Variants in PC observed in about 807,000 individuals in gnomAD.
PC encodes pyruvate carboxylase.
A neutral mutation model predicts 107.8 loss-of-function variants in PC; 46 were observed. The ratio of observed to expected loss-of-function variants is 0.43; its 90% CI spans 0.34 to 0.55. The LOEUF (loss-of-function observed/expected upper bound fraction) is 0.55. Ranked by LOEUF, PC falls within the 20% of genes least tolerant of loss-of-function variation. PC has a pLI of 0.04. For missense variants in PC, 1,241 were observed against 1,643.1 expected, an observed-to-expected ratio of 0.76 and a Z score of 4.23; for synonymous variants, 662 against 684.7, an observed-to-expected ratio of 0.97 and a Z score of 0.52.
intron 3 of PC, among the ~76,000 whole-genome samples, chr11:66,924,369 C>CAAAAGAAAAAA (rs1948664997): frequency 1.5e-5 from 1 of 65,590 alleles, no homozygotes; most frequent in Non-Finnish European, 2.9e-5. Flanking sequence ...CCATCTCTAC[C>CAAAAGAAAAAA]AAAAAAAAAA....
rs373610692 is a variant in PC at position 66,870,477 on chromosome 11, T to G, written c.752-24A>C. 5.9e-5 allele frequency: 95 copies of G among 1,611,006 alleles called. No homozygotes were observed. Among genetic ancestry groups the G allele is most frequent in the Non-Finnish European group, 7.6e-5 (90 of 1,179,684 alleles). The stretch of plus-strand genomic sequence containing the variant: ...CCCTGGGGAGGGAGGTAAACTGGGC[T>G]TAGCTTTTACTGGAATCTACACGCC... On this transcript the variant is annotated intron_variant, in intron 8 of 22. Coordinates refer to ENST00000393960, the MANE Select transcript of PC (RefSeq NM_001040716.2). This position sits in a 1 kb window ranked among gnomAD's most constrained non-coding sequence, Gnocchi z 6.1.
At chr11:66,855,978 G>A (rs1007103977) in intron 12 of PC, among the ~76,000 whole-genome samples, 3 of 152,212 alleles carry the variant, frequency 2.0e-5, no homozygotes, top group Non-Finnish European at 4.4e-5. Flanking sequence ...AACGAGGATG[G>A]CTGAGGTTTA....
chr11:66,869,193 G>A (rs1358486055), intron 9 of PC, among the ~76,000 whole-genome samples: 1 of 152,090 alleles, frequency 6.6e-6, no homozygotes, highest in Non-Finnish European at 1.5e-5. Context: ...CGGAGCCACA[G>A]ATGGCTGCAC....
chr11:66,859,441 G>A (rs557924171), intron 12 of PC, among the ~76,000 whole-genome samples: 5 of 152,266 alleles, frequency 3.3e-5, no homozygotes, highest in South Asian at 4.1e-4. Context: ...CATTCCCCTC[G>A]CTTGCCTGCG....
chr11:66,909,451 C>T (rs1253907707), intron 3 of PC, among the ~76,000 whole-genome samples: 2 of 152,336 alleles, frequency 1.3e-5, no homozygotes, highest in South Asian at 2.1e-4. Context: ...CGCTCCCCCC[C>T]GAAGAGAAGC....
At chr11:66,917,789 C>T (rs1434178218) in intron 3 of PC, among the ~76,000 whole-genome samples, 1 of 152,162 alleles carries the variant, frequency 6.6e-6, no homozygotes, top group Non-Finnish European at 1.5e-5. Context: ...CTGGCCTGAA[C>T]TTGGGTTACC....
intron 3 of PC, among the ~76,000 whole-genome samples, chr11:66,948,064 T>TA (rs1250457424): frequency 6.9e-6 from 1 of 145,466 alleles, no homozygotes; most frequent in Non-Finnish European, 1.5e-5. Context: ...GATAGATAGA[T>TA]ATGCCAGGCG....
chr11:66,939,615 A>C (rs1949074650), intron 3 of PC, among the ~76,000 whole-genome samples: 1 of 151,976 alleles, frequency 6.6e-6, no homozygotes, highest in Non-Finnish European at 1.5e-5. Context: ...GACCAGCCTG[A>C]CCAATACGGA....
At position 66,900,311 on chromosome 11, in the gene PC, A is replaced by C. The variant is rs532653447; in HGVS notation, c.1-28152T>G. Among the ~76,000 whole-genome samples the C allele has an allele frequency of 4.3e-4, 64 of 149,714 alleles. 1 individual carries two copies. The highest frequency in any genetic ancestry group is 3.9e-3 in the Admixed American group (58 of 14,782). On this transcript the variant is annotated intron_variant, in intron 3 of 22. Coordinates refer to ENST00000393960, the MANE Select transcript of PC (RefSeq NM_001040716.2). The stretch of plus-strand genomic sequence containing the variant: ...TTCTCCAGCCTCCCAACTAGCTGGG[A>C]CTACAGGCGCCCACCACCACGCCCG...
At chr11:66,874,863 G>A (rs910708316) in intron 3 of PC, among the ~76,000 whole-genome samples, 20 of 152,204 alleles carry the variant, frequency 1.3e-4, no homozygotes, top group African/African-American at 3.9e-4. Flanking sequence ...TTGGGGGCTG[G>A]ATATTAGAAA....
rs1335224216 is a variant in PC at position 66,853,458 on chromosome 11, G to A, written c.1369-75C>T. 3 of 1,571,252 alleles carry A rather than the reference G, an allele frequency of 1.9e-6. No individual in the cohort carries two copies. In the East Asian group the frequency reaches 6.7e-5, roughly 35 times the overall value. Reference sequence around the variant, plus strand: ...GAAGGCAGAGGAGAAAAGGCTGAAAGAGAAAAGGCTGAAGATGCTGCCCTG... The same window carrying A: ...GAAGGCAGAGGAGAAAAGGCTGAAAAAGAAAAGGCTGAAGATGCTGCCCTG... On this transcript the variant is annotated intron_variant, in intron 12 of 22. Coordinates refer to ENST00000393960, the MANE Select transcript of PC (RefSeq NM_001040716.2).
At chr11:66,882,777 C>A (rs7120256) in intron 3 of PC, among the ~76,000 whole-genome samples, 37,270 of 151,862 alleles carry the variant, frequency 0.25, 4,623 homozygotes, top group Middle Eastern at 0.36. Flanking sequence ...TCTCCCCAGG[C>A]GGCTCTGCTC....
intron 3 of PC, among the ~76,000 whole-genome samples, chr11:66,920,482 G>T (rs1233316915): frequency 1.3e-5 from 2 of 152,246 alleles, no homozygotes; most frequent in African/African-American, 4.8e-5. Flanking sequence ...AATGGATATG[G>T]ACCTAACACT....
chr11:66,917,565 G>A (rs1948492409), intron 3 of PC, among the ~76,000 whole-genome samples: 1 of 152,164 alleles, frequency 6.6e-6, no homozygotes, highest in African/African-American at 2.4e-5. Context: ...ACCAGGCCGG[G>A]AGGACTGATG....
At chr11:66,883,031 A>C (rs1591219098) in intron 3 of PC, among the ~76,000 whole-genome samples, 1 of 152,164 alleles carries the variant, frequency 6.6e-6, no homozygotes. Flanking sequence ...GTGCTCGCCG[A>C]GGCTCAGCTG....
intron 3 of PC, among the ~76,000 whole-genome samples, chr11:66,879,074 T>G (rs1947089220): frequency 6.6e-6 from 1 of 151,792 alleles, no homozygotes; most frequent in Admixed American, 6.6e-5. Flanking sequence ...CCCAACTCCC[T>G]CCCCTCCCAG....
Position 66,863,789 on chromosome 11 carries a change from G to A in PC, c.1353C>T (p.Arg451=), listed in dbSNP as rs542353629. 61 of 1,611,752 alleles carry A rather than the reference G, an allele frequency of 3.8e-5. 1 individual carries two copies. In the South Asian group the frequency reaches 4.5e-4, roughly 12 times the overall value. Residue 451 remains arginine (R), a synonymous_variant, in exon 12 of 23, where the codon CGC becomes CGT. Transcript: ENST00000393960. ...AGCCTCTCACCTTCACACCTCGGAC[G>A]CGGAACTCCGCAAGGGCCCTGCTCA... ...TKMSRALAEF[R]VRGVKTNIAF... is the part of the protein sequence containing the mutation.
intron 18 of PC, 77 bp from the exon 19 acceptor site, chr11:66,850,541 T>A: frequency 2.5e-6 from 4 of 1,608,824 alleles, no homozygotes; most frequent in Non-Finnish European, 3.4e-6. Flanking sequence ...TCAGGTCCCA[T>A]GTCTGACTCA....
At chr11:66,861,771 C>A (rs1034221830) in intron 12 of PC, among the ~76,000 whole-genome samples, 1 of 152,074 alleles carries the variant, frequency 6.6e-6, no homozygotes, top group Non-Finnish European at 1.5e-5. Flanking sequence ...GAGGACTTGG[C>A]ACCCCCAGAC....
Sources: gnomAD v4.1 joint callset for allele counts (sites outside exome capture counted in the v4.1 genomes callset) on GRCh38, gnomAD v4.1.1 for gene constraint, Gnocchi (gnomAD v3.1) non-coding constraint, MANE v1.5 for transcripts, NCBI Gene and HGNC (gene_info 2026-07-23, HGNC 2026-07-21) for gene names.